Variants in SHH observed in about 807,000 individuals in gnomAD.
SHH encodes the protein sonic hedgehog signaling molecule, also known as sonic hedgehog protein.
Under a neutral mutation model 16.6 loss-of-function variants are expected in SHH, and 3 were observed. The ratio of observed to expected loss-of-function variants is 0.18; its 90% CI spans 0.08 to 0.47. The LOEUF (loss-of-function observed/expected upper bound fraction) is 0.47, where lower values mean the gene tolerates loss of function less well. Among genes scored for constraint, SHH ranks in the 20% least tolerant of loss-of-function variants. SHH has a pLI of 0.98. For synonymous variants in SHH, 351 were observed against 316.2 expected (o/e 1.11, Z -1.17); for missense variants, 499 against 665.0 (o/e 0.75, Z 2.75).
Position 155,803,497 on chromosome 7 carries a change from C to G in SHH, c.792G>C (p.Leu264=). Residue 264 remains leucine (L), a synonymous_variant, in exon 3 of 3, where the codon CTG becomes CTC. Transcript: ENST00000297261. ...AGAGCAGGTGCGCGGCGGTGAGCAG[C>G]AGGCGCTCGCGCGGCTCCCGCGTCT... ...VIETREPRER[L]LLTAAHLLFV... The G allele has an allele frequency of 6.4e-7, 1 of 1,572,924 alleles. No homozygotes were observed. Among genetic ancestry groups the G allele is most frequent in the South Asian group, 1.1e-5 (1 of 87,416 alleles).
intron 2 of SHH, among the ~76,000 whole-genome samples, chr7:155,805,131 A>G (rs1036133185): frequency 6.6e-6 from 1 of 151,134 alleles, no homozygotes; most frequent in Non-Finnish European, 1.5e-5. Context: ...AGCGCTGCTC[A>G]CTTGGGAGGA....
chr7:155,800,144 C>G lies in SHH; in HGVS notation c.*2756G>C. 1 of 471,610 alleles carries G rather than the reference C, an allele frequency of 2.1e-6. No homozygotes were observed. 29.2% of individuals were successfully genotyped at this position (471,610 alleles called of 1,614,324 possible). On this transcript the variant is annotated 3_prime_UTR_variant, in exon 3 of 3. Coordinates refer to ENST00000297261, the MANE Select transcript of SHH (RefSeq NM_000193.4). The stretch of plus-strand genomic sequence containing the variant: ...ATTTTGCACAAACTCTTGGCTCCGT[C>G]AACCCTGAATGAGAAGTCGGCGCCT...
Position 155,812,239 on chromosome 7 carries a change from C to T in SHH, c.-117G>A. 4.1e-6 allele frequency: 4 copies of T among 978,038 alleles called. No individual in the cohort carries two copies. The highest frequency in any genetic ancestry group is 1.3e-5 in the South Asian group (1 of 75,350). 60.6% of individuals were successfully genotyped at this position (978,038 alleles called of 1,614,324 possible). A position where few individuals can be genotyped will look rare whatever the true frequency, so the allele number is the denominator to read the frequency against. On this transcript the variant is annotated 5_prime_UTR_variant, in exon 1 of 3. Coordinates refer to ENST00000297261, the MANE Select transcript of SHH (RefSeq NM_000193.4). ...GCGCTTTCCCTTCCTCGCTCCGGCT[C>T]GCCCGCTCGCTCTCTCCCTCGCTGG... is the stretch of plus-strand genomic sequence containing the variant.
In SHH at chr7:155,809,808, C is replaced by A. The variant is rs1803462157; in HGVS notation, c.300+2015G>T. The stretch of plus-strand genomic sequence containing the variant: ...CCGGGCGCGGGGCCGCTGGGCCCTG[C>A]GTCCCCCGGCAGGGCGGACGGGGGT... On this transcript the variant is annotated intron_variant, in intron 1 of 2. Coordinates refer to ENST00000297261, the MANE Select transcript of SHH (RefSeq NM_000193.4). The surrounding 1 kb of genome is among the most constrained non-coding windows in gnomAD (Gnocchi z 6.1). 6.6e-6 allele frequency among the ~76,000 whole-genome samples: 1 copy of A among 151,776 alleles called. No individual in the cohort carries two copies. Among genetic ancestry groups the A allele is most frequent in the African/African-American group, 2.4e-5 (1 of 41,386 alleles).
chr7:155,800,434 G>T lies in SHH; in HGVS notation c.*2466C>A. 1 of 411,158 alleles carries T rather than the reference G, an allele frequency of 2.4e-6. No homozygotes were observed. Among genetic ancestry groups the T allele is most frequent in the Non-Finnish European group, 4.9e-6 (1 of 202,318 alleles). 25.5% of individuals were successfully genotyped at this position (411,158 alleles called of 1,614,324 possible). A position where few individuals can be genotyped will look rare whatever the true frequency, so the allele number is the denominator to read the frequency against. Reference sequence around the variant, plus strand: ...CTCCAAGGTGCCCCAGTCACCAGCAGAGTTGCACCATGGCCTCAGGCACCT... The same window carrying T: ...CTCCAAGGTGCCCCAGTCACCAGCATAGTTGCACCATGGCCTCAGGCACCT... On this transcript the variant is annotated 3_prime_UTR_variant, in exon 3 of 3. Coordinates refer to ENST00000297261, the MANE Select transcript of SHH (RefSeq NM_000193.4).
chr7:155,806,849 A>G, intron 1 of SHH: 4 of 544,052 alleles, frequency 7.4e-6, no homozygotes, highest in Non-Finnish European at 1.4e-5. Flanking sequence ...CCTAAGAAGC[A>G]AATAAAGTTT....
chr7:155,812,374 T>A lies in SHH; in HGVS notation c.-252A>T, dbSNP rs1803542319. 1 of 580,696 alleles carries A rather than the reference T, an allele frequency of 1.7e-6. No individual in the cohort carries two copies. Among genetic ancestry groups the A allele is most frequent in the Admixed American group, 3.0e-5 (1 of 33,522 alleles). The allele number at this position is 580,696 out of a possible 1,614,324, so 36.0% of individuals were successfully genotyped here. On this transcript the variant is annotated 5_prime_UTR_variant, in exon 1 of 3. Coordinates refer to ENST00000297261, the MANE Select transcript of SHH (RefSeq NM_000193.4). ...GGAATGGCAGGCTGCCGGCCGCTGA[T>A]AACGGAACACATCGGAGTTGGGTCG...
At chr7:155,805,435 G>A (rs1343300988) in intron 2 of SHH, among the ~76,000 whole-genome samples, 2 of 152,246 alleles carry the variant, frequency 1.3e-5, no homozygotes, top group East Asian at 3.8e-4. Context: ...ATGGAATTTA[G>A]GAGACAAGTA....
chr7:155,810,353 C>T (rs747085154), intron 1 of SHH, among the ~76,000 whole-genome samples: 14 of 152,268 alleles, frequency 9.2e-5, no homozygotes, highest in Non-Finnish European at 1.6e-4. Context: ...CCTCCCTCCT[C>T]TCGGGTTCCG....
Position 155,803,441 on chromosome 7 carries a change from C to G in SHH, c.848G>C (p.Gly283Ala), listed in dbSNP as rs772986847. Residue 283 changes from glycine (G) to alanine (A), a missense_variant, in exon 3 of 3, where the codon GGG becomes GCG. By Grantham distance (60) the Gly-to-Ala change is moderately conservative. Coordinates refer to ENST00000297261, the MANE Select transcript of SHH (RefSeq NM_000193.4). ...FVAPHNDSATGEPEASSGSGP... is the reference protein window; with the variant it reads ...FVAPHNDSATAEPEASSGSGP... ...CGAGCCCGAGGACGCCTCGGGCTCCCCGGTGGCCGAGTCGTTGTGCGGCGC... is the reference window on the plus strand; with the variant it reads ...CGAGCCCGAGGACGCCTCGGGCTCCGCGGTGGCCGAGTCGTTGTGCGGCGC... The G allele has an allele frequency of 6.5e-7, 1 of 1,539,720 alleles. No homozygotes were observed. The highest frequency in any genetic ancestry group is 8.7e-7 in the Non-Finnish European group (1 of 1,147,810).
rs566043495 is a variant in SHH, at chr7:155,812,456, G to A, written c.-334C>T. Among the ~76,000 whole-genome samples the A allele has an allele frequency of 6.6e-6, 1 of 152,178 alleles. No homozygotes were observed. The highest frequency in any genetic ancestry group is 2.1e-4 in the South Asian group (1 of 4,828). ...GATTTTAAATGGTAGCAAGCCTGGA[G>A]AGCTTGTGAGAGAGGCTGCCTTTAG... is the stretch of plus-strand genomic sequence containing the variant. On this transcript the variant is annotated 5_prime_UTR_variant, in exon 1 of 3. Coordinates refer to ENST00000297261, the MANE Select transcript of SHH (RefSeq NM_000193.4).
rs1404362963 is a variant in SHH, at chr7:155,809,330, C to T, written c.300+2493G>A. ...GAGACAGAAGAAGAGGGTCACGCAC[C>T]TGGGGCAGAGCCTAGGTGGTTATTT... On this transcript the variant is annotated intron_variant, in intron 1 of 2. Coordinates refer to ENST00000297261, the MANE Select transcript of SHH (RefSeq NM_000193.4). The surrounding 1 kb of genome is among the most constrained non-coding windows in gnomAD (Gnocchi z 6.1). Among the ~76,000 whole-genome samples, 1 of 152,120 alleles carries T rather than the reference C, an allele frequency of 6.6e-6. No individual in the cohort carries two copies.
rs370338764 is a variant in SHH at position 155,811,961 on chromosome 7, C to T, written c.162G>A (p.Lys54=). The T allele has an allele frequency of 5.0e-6, 8 of 1,614,078 alleles. No individual in the cohort carries two copies. Among genetic ancestry groups the T allele is most frequent in the Non-Finnish European group, 6.8e-6 (8 of 1,180,056 alleles). ...CATACCTTCCGCTGGCGCCTAGGGTCTTCTCGGCCACATTGGGGATAAACT... is the reference window on the plus strand; with the variant it reads ...CATACCTTCCGCTGGCGCCTAGGGTTTTCTCGGCCACATTGGGGATAAACT... ...YKQFIPNVAE[K]TLGASGRYEG... The change falls in exon 1 of 3, where the codon AAG becomes AAA. Residue 54 remains lysine (K), a synonymous_variant. Transcript: ENST00000297261.
At chr7:155,806,786 TAG>T (rs1563201059) in intron 1 of SHH, 1 of 648,330 alleles carries the variant, frequency 1.5e-6, no homozygotes, top group East Asian at 2.8e-5. Context: ...CCTCTCAGGG[TAG>T]AGCTGGGGGC....
Position 155,800,964 on chromosome 7 carries a change from C to T in SHH, c.*1936G>A, listed in dbSNP as rs1803167354. The T allele has an allele frequency of 9.1e-6, 2 of 219,316 alleles. No individual in the cohort carries two copies. The highest frequency in any genetic ancestry group is 4.6e-5 in the African/African-American group (2 of 43,678). 13.6% of individuals were successfully genotyped at this position (219,316 alleles called of 1,614,324 possible). Reference sequence around the variant, plus strand: ...CAGCGCAACTCTTCCAAGGCCCAGCCTGCTCAGACGATTCGGCCCAAAGCA... The same window carrying T: ...CAGCGCAACTCTTCCAAGGCCCAGCTTGCTCAGACGATTCGGCCCAAAGCA... On this transcript the variant is annotated 3_prime_UTR_variant, in exon 3 of 3. Coordinates refer to ENST00000297261, the MANE Select transcript of SHH (RefSeq NM_000193.4).
chr7:155,804,561 C>T (rs1803298315), intron 2 of SHH, among the ~76,000 whole-genome samples: 1 of 151,606 alleles, frequency 6.6e-6, no homozygotes, highest in African/African-American at 2.4e-5. Context: ...GTGCAACCCC[C>T]CCCCACCCCG....
At chr7:155,804,296 C>A (rs1014837261) in intron 2 of SHH, among the ~76,000 whole-genome samples, 1 of 151,828 alleles carries the variant, frequency 6.6e-6, no homozygotes. Flanking sequence ...TGCGGAGGGG[C>A]GGGGGCGGGG....
rs1554493559 is a variant in SHH, at chr7:155,802,776, A to ATTACTC, written c.*123_*124insGAGTAA. ...AGTCTACTTTGGACTGTCCTACTTTATTATTCTTATTCTTATTATAACTCA... is the reference window on the plus strand; with the variant it reads ...AGTCTACTTTGGACTGTCCTACTTTATTACTCTTATTCTTATTCTTATTATAACTCA... On this transcript the variant is annotated 3_prime_UTR_variant, in exon 3 of 3. Coordinates refer to ENST00000297261, the MANE Select transcript of SHH (RefSeq NM_000193.4). 9.2e-6 allele frequency: 5 copies of ATTACTC among 545,668 alleles called. No individual in the cohort carries two copies. The highest frequency in any genetic ancestry group is 8.5e-6 in the Non-Finnish European group (3 of 351,208). 33.8% of individuals were successfully genotyped at this position (545,668 alleles called of 1,614,324 possible).
intron 2 of SHH, among the ~76,000 whole-genome samples, chr7:155,805,979 T>A (rs1344114564): frequency 1.3e-5 from 2 of 152,184 alleles, no homozygotes; most frequent in Admixed American, 6.5e-5. Flanking sequence ...CTGTCTTCCC[T>A]CGCCTGGAAG....
Sources: gnomAD v4.1 joint callset for allele counts (sites outside exome capture counted in the v4.1 genomes callset) on GRCh38, gnomAD v4.1.1 for gene constraint, Gnocchi (gnomAD v3.1) non-coding constraint, MANE v1.5 for transcripts, NCBI Gene and HGNC (gene_info 2026-07-23, HGNC 2026-07-21) for gene names.